DOCK4: variants seen among roughly 807,000 people sequenced by gnomAD.
DOCK4 encodes dedicator of cytokinesis 4.
Under a neutral mutation model 268.1 loss-of-function variants are expected in DOCK4, and 97 were observed. The observed-to-expected ratio is 0.36, with a 90% CI of 0.31 to 0.43. DOCK4 has a LOEUF of 0.43. Among genes scored for constraint, DOCK4 ranks in the 20% least tolerant of loss-of-function variants. The pLI is 1.00. For synonymous variants in DOCK4, 954 were observed against 887.2 expected (o/e 1.08, Z -1.34); for missense variants, 2,145 against 2,455.7 (o/e 0.87, Z 2.67).
At chr7:112,056,459 C>T (rs1308550477) in intron 1 of DOCK4, among the ~76,000 whole-genome samples, 1 of 151,996 alleles carries the variant, frequency 6.6e-6, no homozygotes, top group Non-Finnish European at 1.5e-5. Flanking sequence ...GTAAGCTCTC[C>T]TAATGTTTAT....
At chr7:112,018,125 C>A (rs151073760) in intron 1 of DOCK4, among the ~76,000 whole-genome samples, 1,813 of 94,354 alleles carry the variant, frequency 0.019, 33 homozygotes, top group Middle Eastern at 0.056. Flanking sequence ...GCCTGGGCAA[C>A]ACAGCAAGAC....
chr7:111,755,631 C>T (rs1585885795), intron 41 of DOCK4, 30 bp from the exon 42 acceptor site: 1 of 1,604,832 alleles, frequency 6.2e-7, no homozygotes, highest in Non-Finnish European at 8.5e-7. Context: ...TTAAGTCTCC[C>T]AAGTTGCCCT....
chr7:111,760,257 C>T lies in DOCK4; in HGVS notation c.4086G>A (p.Leu1362=). 1.2e-6 allele frequency: 2 copies of T among 1,613,978 alleles called. No individual in the cohort carries two copies. The highest frequency in any genetic ancestry group is 1.7e-6 in the Non-Finnish European group (2 of 1,179,884). Residue 1362 remains leucine (L), a synonymous_variant, in exon 40 of 53, where the codon CTG becomes CTA. Coordinates refer to ENST00000428084, the MANE Select transcript of DOCK4 (RefSeq NM_001363540.2). ...ERLEAFQQRM[L]NEFPHAIAMQ... ...TGGCGATGGCATGGGGGAACTCGTT[C>T]AGCATTCTCTGTTGGAAGGCTTCCA...
chr7:112,188,078 A>T (rs1361043584), intron 1 of DOCK4, among the ~76,000 whole-genome samples: 1 of 152,244 alleles, frequency 6.6e-6, no homozygotes, highest in Non-Finnish European at 1.5e-5. Context: ...TACAATATTT[A>T]TCAAATACTT....
rs1792630603 is a variant in DOCK4 at position 111,916,875 on chromosome 7, T to C, written c.1067-971A>G. 2.0e-5 allele frequency among the ~76,000 whole-genome samples: 3 copies of C among 152,140 alleles called. No individual in the cohort carries two copies. The South Asian group carries it at 6.2e-4, about 32-fold the overall frequency. ...TATTTGGTTACATGAGTAAGTTCTC[T>C]AGTGGTGATTTGTGAGATTTTGGTG... On this transcript the variant is annotated intron_variant, in intron 12 of 52. Coordinates refer to ENST00000428084, the MANE Select transcript of DOCK4 (RefSeq NM_001363540.2).
intron 12 of DOCK4, among the ~76,000 whole-genome samples, chr7:111,918,460 G>T (rs1332665611): frequency 1.3e-5 from 2 of 152,210 alleles, no homozygotes; most frequent in Admixed American, 1.3e-4. Flanking sequence ...AAGCCATCTG[G>T]ATGATTTGAT....
At position 111,998,493 on chromosome 7, in the gene DOCK4, G is replaced by A; in HGVS notation, c.173C>T (p.Pro58Leu). 1.3e-6 allele frequency: 2 copies of A among 1,587,492 alleles called. No individual in the cohort carries two copies. The highest frequency in any genetic ancestry group is 1.3e-5 in the African/African-American group (1 of 74,638). Residue 58 changes from proline (P) to leucine (L), a missense_variant, in exon 4 of 53, where the codon CCT becomes CTT. Physicochemically the swap from Pro to Leu is moderately conservative, Grantham distance 98. Around this residue, in one of 2 missense-constraint regions of DOCK4, gnomAD observed 1,598 missense variants for 1,986.7 expected, o/e 0.80. Coordinates refer to ENST00000428084, the MANE Select transcript of DOCK4 (RefSeq NM_001363540.2). ...LKNPNIKGIF[P>L]SSYVHLKNAC... The stretch of plus-strand genomic sequence containing the variant: ...ATTTTTCAAGTGAACGTAGCTGGAA[G>A]GAAATATACCCTGGAAAAGAAAACA...
chr7:111,828,147 G>T (rs1802542558), intron 26 of DOCK4, among the ~76,000 whole-genome samples: 1 of 152,098 alleles, frequency 6.6e-6, no homozygotes, highest in African/African-American at 2.4e-5. Flanking sequence ...AAAAAATCTT[G>T]ATCACTACCT....
intron 12 of DOCK4, among the ~76,000 whole-genome samples, chr7:111,932,192 T>C (rs896839454): frequency 8.5e-4 from 130 of 152,232 alleles, no homozygotes; most frequent in African/African-American, 3.1e-3. Context: ...GCATGAGGCA[T>C]ATTTGAAGTG....
chr7:111,976,140 CAAAA>C lies in DOCK4; in HGVS notation c.701+988_701+991del, dbSNP rs1166982968. 3.3e-3 allele frequency among the ~76,000 whole-genome samples: 96 copies of C among 28,876 alleles called. 1 individual carries two copies. Among genetic ancestry groups the C allele is most frequent in the African/African-American group, 5.5e-3 (18 of 3,246 alleles). The allele number at this position is 28,876 out of a possible 152,430, so 18.9% of individuals were successfully genotyped here. A position where few individuals can be genotyped will look rare whatever the true frequency, so the allele number is the denominator to read the frequency against. On this transcript the variant is annotated intron_variant, in intron 8 of 52. Coordinates refer to ENST00000428084, the MANE Select transcript of DOCK4 (RefSeq NM_001363540.2). ...TGGGTGACAGAGCAAGACTCCATCTCAAAAAAAAAAAAAAAAAAAAAATATATAT... is the reference window on the plus strand; with the variant it reads ...TGGGTGACAGAGCAAGACTCCATCTCAAAAAAAAAAAAAAAAAATATATAT...
At chr7:112,192,827 T>G (rs1231168245) in intron 1 of DOCK4, among the ~76,000 whole-genome samples, 2 of 152,076 alleles carry the variant, frequency 1.3e-5, no homozygotes, top group Non-Finnish European at 2.9e-5. Flanking sequence ...GAAGTTTTTC[T>G]ACCAACATGT....
At chr7:112,172,127 G>C (rs990533235) in intron 1 of DOCK4, among the ~76,000 whole-genome samples, 1 of 152,266 alleles carries the variant, frequency 6.6e-6, no homozygotes, top group Non-Finnish European at 1.5e-5. Context: ...TATGAATTAG[G>C]GGTGAAGAGA....
intron 44 of DOCK4, among the ~76,000 whole-genome samples, chr7:111,744,691 AAG>A (rs1796148888): frequency 1.3e-5 from 2 of 152,330 alleles, no homozygotes; most frequent in South Asian, 4.2e-4. Flanking sequence ...AAAATCAATG[AAG>A]GTTAAAGTCA....
chr7:111,952,132 A>C (rs1230439487), intron 8 of DOCK4, among the ~76,000 whole-genome samples: 3 of 151,990 alleles, frequency 2.0e-5, no homozygotes, highest in African/African-American at 7.2e-5. Flanking sequence ...GAATAAACAA[A>C]CAAAACTGCA....
At chr7:111,822,600 A>G (rs1334288689) in intron 26 of DOCK4, 144 bp from the exon 27 acceptor site, 2 of 705,330 alleles carry the variant, frequency 2.8e-6, no homozygotes, top group East Asian at 2.9e-5. Context: ...AGTTTGCCCA[A>G]GGGAAGGAGT....
intron 1 of DOCK4, among the ~76,000 whole-genome samples, chr7:112,049,780 AATC>A (rs1323360495): frequency 2.0e-5 from 3 of 152,208 alleles, no homozygotes; most frequent in Non-Finnish European, 4.4e-5. Flanking sequence ...ACAATGATAA[AATC>A]ATCAAGGGGA....
intron 1 of DOCK4, among the ~76,000 whole-genome samples, chr7:112,036,427 A>G (rs1051755179): frequency 2.0e-5 from 3 of 152,182 alleles, no homozygotes; most frequent in Non-Finnish European, 4.4e-5. Flanking sequence ...AAGAAAAAAT[A>G]ACACAAGCAA....
chr7:112,047,759 T>C (rs1003952508), intron 1 of DOCK4, among the ~76,000 whole-genome samples: 1 of 152,168 alleles, frequency 6.6e-6, no homozygotes, highest in African/African-American at 2.4e-5. Flanking sequence ...ATGGCATGAT[T>C]ATAGCTCACC....
chr7:111,853,550 G>A (rs1332612791), intron 23 of DOCK4, among the ~76,000 whole-genome samples: 1 of 152,184 alleles, frequency 6.6e-6, no homozygotes, highest in Non-Finnish European at 1.5e-5. Context: ...CTGGAATACA[G>A]ACAACAAGAA....
Sources: allele counts gnomAD v4.1 joint callset (sites outside exome capture counted in the v4.1 genomes callset), GRCh38; gene constraint gnomAD v4.1.1; regional missense constraint gnomAD v4.1.1; transcripts MANE v1.5; gene names NCBI Gene and HGNC (gene_info 2026-07-23, HGNC 2026-07-21).